The following USP39 variants were observed in gnomAD, a reference collection of about 807,000 sequenced individuals.
USP39 encodes the protein ubiquitin specific peptidase 39.
Under a neutral mutation model 66.4 loss-of-function variants are expected in USP39, and 38 were observed. The ratio of observed to expected loss-of-function variants is 0.57; its 90% CI spans 0.44 to 0.75. The LOEUF (loss-of-function observed/expected upper bound fraction) is 0.75, where lower values mean the gene tolerates loss of function less well. Ranked by LOEUF, USP39 falls within the 30% of genes least tolerant of loss-of-function variation. The probability of loss-of-function intolerance (pLI) is 0.00; values close to 1 mark genes in which losing one functional copy is unlikely to be tolerated. For synonymous variants in USP39, 303 were observed against 274.6 expected, an observed-to-expected ratio of 1.10 and a Z score of -1.02; for missense variants, 608 against 714.4, an observed-to-expected ratio of 0.85 and a Z score of 1.70.
chr2:85,606,295 A>G (rs1392027715), intron 1 of USP39, among the ~76,000 whole-genome samples: 1 of 152,238 alleles, frequency 6.6e-6, no homozygotes, highest in African/African-American at 2.4e-5. Context: ...AGCACCGGAC[A>G]GTGTTCTTTG....
intron 5 of USP39, among the ~76,000 whole-genome samples, chr2:85,628,136 A>G (rs553036674): frequency 6.6e-6 from 1 of 152,082 alleles, no homozygotes; most frequent in East Asian, 1.9e-4. Flanking sequence ...AAATCCTCTC[A>G]TGGCTGCGTG....
intron 5 of USP39, among the ~76,000 whole-genome samples, chr2:85,626,611 A>G (rs546250540): frequency 6.6e-6 from 1 of 152,124 alleles, no homozygotes; most frequent in Non-Finnish European, 1.5e-5. Flanking sequence ...GCATTTTTTT[A>G]AAAAAATGGT....
chr2:85,635,037 G>C (rs1227456942), intron 6 of USP39, among the ~76,000 whole-genome samples: 2 of 152,198 alleles, frequency 1.3e-5, no homozygotes, highest in Admixed American at 6.5e-5. Flanking sequence ...AGACCTAGTA[G>C]GTTATTAGTT....
At chr2:85,645,325 G>A (rs1375570182) in intron 11 of USP39, 18 of 384,882 alleles carry the variant, frequency 4.7e-5, no homozygotes, top group African/African-American at 2.3e-4. Flanking sequence ...AGCCCAGGCT[G>A]GAGTGCAGTG....
chr2:85,642,920 C>G (rs530293156), intron 10 of USP39, among the ~76,000 whole-genome samples: 1 of 152,012 alleles, frequency 6.6e-6, no homozygotes, highest in African/African-American at 2.4e-5. Context: ...TGGTCTGTTG[C>G]TGTGGTTGGG....
At chr2:85,635,906 T>C in intron 6 of USP39, 147 bp from the exon 7 acceptor site, 1 of 730,574 alleles carries the variant, frequency 1.4e-6, no homozygotes, top group Admixed American at 2.1e-5. Flanking sequence ...CATTTAATGA[T>C]AAGATAGAGG....
intron 1 of USP39, among the ~76,000 whole-genome samples, chr2:85,617,024 C>T (rs1558847047): frequency 6.7e-6 from 1 of 150,320 alleles, no homozygotes; most frequent in African/African-American, 2.5e-5. Context: ...AAAATCGTAA[C>T]AACAGCAGCT....
intron 8 of USP39, among the ~76,000 whole-genome samples, chr2:85,638,539 A>T (rs34363895): frequency 0.19 from 27,148 of 143,084 alleles, 2,649 homozygotes; most frequent in African/African-American, 0.3. Flanking sequence ...TTAATTAATT[A>T]ATTTATTTAT....
chr2:85,629,452 A>G (rs1675146525), intron 5 of USP39, among the ~76,000 whole-genome samples: 1 of 150,998 alleles, frequency 6.6e-6, no homozygotes, highest in Admixed American at 6.6e-5. Flanking sequence ...TTAATGAGAT[A>G]CAATTTGTTT....
chr2:85,647,765 T>A (rs1452249840), intron 11 of USP39, among the ~76,000 whole-genome samples, 165 bp from the exon 12 acceptor site: 1 of 152,210 alleles, frequency 6.6e-6, no homozygotes, highest in African/African-American at 2.4e-5. Context: ...TCCTATTAAT[T>A]GAATCATGGC....
intron 5 of USP39, among the ~76,000 whole-genome samples, chr2:85,630,350 A>G (rs1178741759): frequency 6.6e-6 from 1 of 152,202 alleles, no homozygotes; most frequent in Non-Finnish European, 1.5e-5. Flanking sequence ...AGGAAAGAGT[A>G]TTTGGATTAT....
chr2:85,611,672 G>A (rs1247461020), upstream of USP39: 2 of 1,561,794 alleles, frequency 1.3e-6, no homozygotes, highest in Admixed American at 1.9e-5. Flanking sequence ...CCTCACCTCG[G>A]TGTCGCGGCA....
intron 8 of USP39, among the ~76,000 whole-genome samples, chr2:85,638,172 C>T (rs1005688617): frequency 3.9e-5 from 6 of 152,020 alleles, no homozygotes; most frequent in Non-Finnish European, 7.4e-5. Context: ...CAGGCATGCG[C>T]CACTATGCCT....
intron 6 of USP39, among the ~76,000 whole-genome samples, chr2:85,634,964 G>C (rs1467085158): frequency 6.6e-6 from 1 of 152,158 alleles, no homozygotes; most frequent in African/African-American, 2.4e-5. Flanking sequence ...AGTTTCTTCT[G>C]TCATAGCCAC....
At chr2:85,611,882 C>T, upstream of USP39, 1 of 1,596,430 alleles carries the variant, frequency 6.3e-7, no homozygotes, top group Non-Finnish European at 8.5e-7. Context: ...CGGTACCGAG[C>T]GATCTGGTTC....
At chr2:85,604,409 A>G (rs1673142049) in intron 1 of USP39, among the ~76,000 whole-genome samples, 1 of 152,102 alleles carries the variant, frequency 6.6e-6, no homozygotes. Context: ...ACGGGGTTTC[A>G]CCATGTTGGT....
chr2:85,633,052 C>G (rs1675484217), intron 6 of USP39, among the ~76,000 whole-genome samples: 1 of 135,626 alleles, frequency 7.4e-6, no homozygotes, highest in Admixed American at 7.3e-5. Context: ...AGGGAGGGAC[C>G]AGATGGCCTG....
upstream of USP39, among the ~76,000 whole-genome samples, chr2:85,613,781 TA>T (rs1558843110): frequency 6.6e-6 from 1 of 152,060 alleles, no homozygotes. Flanking sequence ...AATTTTTTTT[TA>T]TTTTTTTATT....
At chr2:85,625,730 C>G in intron 5 of USP39, 39 bp downstream of exon 5, 1 of 1,600,912 alleles carries the variant, frequency 6.2e-7, no homozygotes, top group Non-Finnish European at 8.5e-7. Flanking sequence ...GAGAAGGACA[C>G]CCAGAAGGCT....
Sources: allele counts gnomAD v4.1 joint callset (sites outside exome capture counted in the v4.1 genomes callset), GRCh38; gene constraint gnomAD v4.1.1; transcripts MANE v1.5; gene names NCBI Gene and HGNC (gene_info 2026-07-23, HGNC 2026-07-21).